The following MSH3 variants were observed in gnomAD, a reference collection of about 807,000 sequenced individuals.
MSH3 encodes the protein mutS homolog 3.
Under a neutral mutation model 123.3 loss-of-function variants are expected in MSH3, and 106 were observed. The ratio of observed to expected loss-of-function variants is 0.86; its 90% CI spans 0.73 to 1.01. The LOEUF is 1.01. Ranked by LOEUF, MSH3 falls within the 50% of genes least tolerant of loss-of-function variation. The pLI is 0.00. For missense variants in MSH3, 1,459 were observed against 1,347.6 expected, an observed-to-expected ratio of 1.08 and a Z score of -1.29; for synonymous variants, 515 against 481.4, an observed-to-expected ratio of 1.07 and a Z score of -0.91.
At chr5:80,790,320 C>T (rs543631522) in intron 18 of MSH3, among the ~76,000 whole-genome samples, 5 of 152,116 alleles carry the variant, frequency 3.3e-5, no homozygotes, top group Admixed American at 1.3e-4. Context: ...AACCTAATTT[C>T]AGTTTCTTAA....
chr5:80,723,787 C>T (rs1470153081), intron 8 of MSH3, among the ~76,000 whole-genome samples: 4 of 151,500 alleles, frequency 2.6e-5, no homozygotes, highest in African/African-American at 9.7e-5. Context: ...TAATTTGAGA[C>T]GATGTTTCAC....
In MSH3 at chr5:80,762,966, C is replaced by A. The variant is rs1240993460; in HGVS notation, c.1896+1288C>A. ...GGTTTAATCGATTCTTCTGTCTCAG[C>A]CTCCTGAGTAGCTGGGGTTACAGGC... On this transcript the variant is annotated intron_variant, in intron 13 of 23. Transcript: ENST00000265081. 2.0e-5 allele frequency among the ~76,000 whole-genome samples: 3 copies of A among 151,832 alleles called. No homozygotes were observed. In the East Asian group the frequency reaches 5.8e-4, roughly 29 times the overall value.
At chr5:80,728,034 T>A (rs1434501802) in intron 9 of MSH3, among the ~76,000 whole-genome samples, 3 of 152,270 alleles carry the variant, frequency 2.0e-5, no homozygotes, top group Middle Eastern at 3.4e-3. Context: ...GTAGTCTGTG[T>A]GCTGGAACAG....
chr5:80,675,772 TG>T (rs1370990722), intron 7 of MSH3, among the ~76,000 whole-genome samples: 5 of 152,288 alleles, frequency 3.3e-5, no homozygotes, highest in Admixed American at 6.5e-5. Flanking sequence ...ATAGACACAA[TG>T]GCAGACATAT....
At chr5:80,819,141 A>G (rs1425376603) in intron 20 of MSH3, among the ~76,000 whole-genome samples, 1 of 152,022 alleles carries the variant, frequency 6.6e-6, no homozygotes, top group African/African-American at 2.4e-5. Flanking sequence ...TATCAAAATC[A>G]TTAATTTATA....
intron 22 of MSH3, 123 bp downstream of exon 22, chr5:80,865,065 A>T: frequency 1.0e-6 from 1 of 1,004,354 alleles, no homozygotes; most frequent in Non-Finnish European, 1.6e-6. Context: ...TATAAATAAC[A>T]TTTGTCAGGA....
intron 12 of MSH3, chr5:80,746,255 T>C: frequency 4.1e-6 from 1 of 241,006 alleles, no homozygotes; most frequent in Non-Finnish European, 8.3e-6. Context: ...CACTGCTGTT[T>C]GTCTGATATT....
chr5:80,727,520 G>T (rs1448850998), intron 9 of MSH3, among the ~76,000 whole-genome samples: 1 of 152,164 alleles, frequency 6.6e-6, no homozygotes, highest in Non-Finnish European at 1.5e-5. Flanking sequence ...CTCTGCCCTT[G>T]CAGCTTATAT....
chr5:80,724,930 C>T (rs1743242962), intron 8 of MSH3, among the ~76,000 whole-genome samples: 1 of 151,952 alleles, frequency 6.6e-6, no homozygotes. Flanking sequence ...ATAAAAAGTA[C>T]TTGGCCAGGC....
In MSH3 at chr5:80,670,087, T is replaced by C; in HGVS notation, c.580-10T>C. 6.2e-7 allele frequency: 1 copy of C among 1,613,268 alleles called. No homozygotes were observed. The highest frequency in any genetic ancestry group is 8.5e-7 in the Non-Finnish European group (1 of 1,179,286). On this transcript the variant is annotated splice_polypyrimidine_tract_variant and intron_variant, in intron 3 of 23. Transcript: ENST00000265081. ...TATTTTTAAAACTTTATACATCTTT[T>C]GGTTGCCAGGACACAACACTTTTTG...
chr5:80,779,853 T>C (rs1437427393), intron 17 of MSH3, among the ~76,000 whole-genome samples: 1 of 152,060 alleles, frequency 6.6e-6, no homozygotes, highest in Admixed American at 6.6e-5. Context: ...CATGAGCCAC[T>C]GTGCCGGCCA....
Position 80,854,197 on chromosome 5 carries a change from G to A in MSH3, c.2881G>A (p.Glu961Lys). 1 of 1,613,828 alleles carries A rather than the reference G, an allele frequency of 6.2e-7. No individual in the cohort carries two copies. The highest frequency in any genetic ancestry group is 8.5e-7 in the Non-Finnish European group (1 of 1,179,844). Residue 961 changes from glutamate to lysine, a missense_variant, in exon 21 of 24, where the codon GAA (glutamate) becomes AAA (lysine). Glu to Lys is a moderately conservative substitution (Grantham distance 56). Coordinates refer to ENST00000265081, the MANE Select transcript of MSH3 (RefSeq NM_002439.5). ...TATGGAAGAACTGACTGACACAGCAGAAATAATCAGAAAAGCAACATCACA... is the reference window on the plus strand; with the variant it reads ...TATGGAAGAACTGACTGACACAGCAAAAATAATCAGAAAAGCAACATCACA... ...TFMEELTDTAEIIRKATSQSL... is the reference protein window; with the variant it reads ...TFMEELTDTAKIIRKATSQSL...
At position 80,693,530 on chromosome 5, in the gene MSH3, T is replaced by G. The variant is rs567899753; in HGVS notation, c.1340+14437T>G. 2.7e-4 allele frequency among the ~76,000 whole-genome samples: 38 copies of G among 143,098 alleles called. No individual in the cohort carries two copies. In the South Asian group the frequency reaches 7.9e-3, roughly 30 times the overall value. 93.9% of individuals were successfully genotyped at this position (143,098 alleles called of 152,430 possible). A position where few individuals can be genotyped will look rare whatever the true frequency, so the allele number is the denominator to read the frequency against. On this transcript the variant is annotated intron_variant, in intron 8 of 23. Coordinates refer to ENST00000265081, the MANE Select transcript of MSH3 (RefSeq NM_002439.5). ...ATATAAATATGCACATGTATATGTT[T>G]ATATAAATATATATGCACATGTATG... is the stretch of plus-strand genomic sequence containing the variant.
chr5:80,777,122 C>T (rs547391255), intron 16 of MSH3, among the ~76,000 whole-genome samples: 4 of 151,490 alleles, frequency 2.6e-5, no homozygotes, highest in South Asian at 2.1e-4. Context: ...GTAGAGATGG[C>T]GTTTCGCCAT....
intron 8 of MSH3, among the ~76,000 whole-genome samples, chr5:80,699,301 GT>G (rs1171504443): frequency 2.6e-5 from 4 of 152,134 alleles, no homozygotes; most frequent in African/African-American, 4.8e-5. Flanking sequence ...GCTCATACCT[GT>G]AATCCCAGCA....
intron 20 of MSH3, among the ~76,000 whole-genome samples, chr5:80,831,387 C>T (rs1745414681): frequency 6.6e-6 from 1 of 152,150 alleles, no homozygotes; most frequent in Non-Finnish European, 1.5e-5. Flanking sequence ...AGGTAGATGG[C>T]TTTCCAGGCT....
chr5:80,741,853 C>T (rs557343776), intron 11 of MSH3, among the ~76,000 whole-genome samples: 54 of 151,984 alleles, frequency 3.6e-4, no homozygotes, highest in African/African-American at 1.3e-3. Context: ...AAATATGAAG[C>T]GGATTTTTTT....
chr5:80,761,968 T>C (rs1020427727), intron 13 of MSH3, among the ~76,000 whole-genome samples: 12 of 152,108 alleles, frequency 7.9e-5, no homozygotes, highest in African/African-American at 2.9e-4. Context: ...GTACAGACTA[T>C]TATCAAAATA....
At chr5:80,832,919 C>T (rs961214517) in intron 20 of MSH3, among the ~76,000 whole-genome samples, 2 of 152,028 alleles carry the variant, frequency 1.3e-5, no homozygotes, top group Non-Finnish European at 2.9e-5. Context: ...TTGCAAAAGG[C>T]CCAGAGATTG....
Sources: allele counts gnomAD v4.1 joint callset (sites outside exome capture counted in the v4.1 genomes callset), GRCh38; gene constraint gnomAD v4.1.1; transcripts MANE v1.5; gene names NCBI Gene and HGNC (gene_info 2026-07-23, HGNC 2026-07-21).